Variants in PPM1F observed in about 807,000 individuals in gnomAD.
PPM1F encodes the protein protein phosphatase 1F.
A neutral mutation model predicts 35.5 loss-of-function variants in PPM1F; 17 were observed. The ratio of observed to expected loss-of-function variants is 0.48; its 90% CI spans 0.33 to 0.72. The LOEUF is 0.72. PPM1F is among the 30% of genes least tolerant of loss of function. PPM1F has a pLI of 0.02. For synonymous variants in PPM1F, 241 were observed against 255.5 expected, an observed-to-expected ratio of 0.94 and a Z score of 0.54; for missense variants, 521 against 613.0, an observed-to-expected ratio of 0.85 and a Z score of 1.59.
At chr22:21,924,853 G>C (rs999860825) in intron 7 of PPM1F, 1 of 151,810 alleles carries the variant, frequency 6.6e-6, no homozygotes, top group Non-Finnish European at 1.5e-5. Context: ...ACAGGCGTGA[G>C]CCAGCATGCC....
rs989085731 is a variant in PPM1F at position 21,920,171 on chromosome 22, A to G, written c.*2921T>C. 3.3e-5 allele frequency: 5 copies of G among 152,294 alleles called. No homozygotes were observed. The highest frequency in any genetic ancestry group is 1.2e-4 in the African/African-American group (5 of 41,366). 9.4% of individuals were successfully genotyped at this position (152,294 alleles called of 1,614,324 possible). A position where few individuals can be genotyped will look rare whatever the true frequency, so the allele number is the denominator to read the frequency against. On this transcript the variant is annotated 3_prime_UTR_variant, in exon 8 of 8. Coordinates refer to ENST00000263212, the MANE Select transcript of PPM1F (RefSeq NM_014634.4). ...GACACTAATAAGACTTAACCACCCCAACCTGCTGGCAGCAGGAGGGCCCCT... is the reference window on the plus strand; with the variant it reads ...GACACTAATAAGACTTAACCACCCCGACCTGCTGGCAGCAGGAGGGCCCCT...
Position 21,920,661 on chromosome 22 carries a change from T to C in PPM1F, c.*2431A>G, listed in dbSNP as rs1253651116. 1.3e-5 allele frequency: 2 copies of C among 152,240 alleles called. No homozygotes were observed. The highest frequency in any genetic ancestry group is 2.4e-5 in the African/African-American group (1 of 41,410). The allele number at this position is 152,240 out of a possible 1,614,324, so 9.4% of individuals were successfully genotyped here. ...CTGGCTCAGGGGTGGGGAGCGGCAGTGCTGGGACAAGCCTGGGGAAAGGGT... is the reference window on the plus strand; with the variant it reads ...CTGGCTCAGGGGTGGGGAGCGGCAGCGCTGGGACAAGCCTGGGGAAAGGGT... On this transcript the variant is annotated 3_prime_UTR_variant, in exon 8 of 8. Coordinates refer to ENST00000263212, the MANE Select transcript of PPM1F (RefSeq NM_014634.4).
chr22:21,927,930 GTTTTTTGTTTTGTTTTTT>G (rs2070535969), intron 6 of PPM1F, among the ~76,000 whole-genome samples: 3 of 93,390 alleles, frequency 3.2e-5, no homozygotes, highest in South Asian at 4.3e-4. Flanking sequence ...TCTTGATTCT[GTTTTTTGTTTTGTTTTTT>G]TTTTTTTTTT....
intron 6 of PPM1F, among the ~76,000 whole-genome samples, chr22:21,929,806 G>A (rs929053754): frequency 2.0e-5 from 3 of 152,140 alleles, no homozygotes; most frequent in African/African-American, 4.8e-5. Context: ...ATACCAGACC[G>A]TGAGCCGCAG....
Position 21,934,063 on chromosome 22 carries a change from G to T in PPM1F, c.519C>A (p.His173Gln). 6.4e-7 allele frequency: 1 copy of T among 1,564,746 alleles called. No homozygotes were observed. The highest frequency in any genetic ancestry group is 8.7e-7 in the Non-Finnish European group (1 of 1,154,238). Residue 173 changes from histidine to glutamine, a missense_variant, in exon 4 of 8, where the codon CAC becomes CAA. By Grantham distance (24) the His-to-Gln change is conservative. This residue lies in a region of PPM1F where 311 missense variants were observed against 351.5 expected (regional missense o/e 0.88). Coordinates refer to ENST00000263212, the MANE Select transcript of PPM1F (RefSeq NM_014634.4). ...GCTGGTTGAAGGAAGGGAGGGACAC[G>T]TGCCGGTCCTCCATCTTGCGGCGAG... Reference protein sequence around the residue: ...RNTRRKMEDRHVSLPSFNQLF... With the variant: ...RNTRRKMEDRQVSLPSFNQLF...
intron 1 of PPM1F, 45 bp from the exon 2 acceptor site, chr22:21,946,153 C>A: frequency 1.0e-6 from 1 of 973,212 alleles, no homozygotes; most frequent in South Asian, 1.9e-5. Context: ...GGCCATGGCA[C>A]CAGCAATGCA....
chr22:21,951,082 G>A (rs563340055), intron 1 of PPM1F: 5 of 151,664 alleles, frequency 3.3e-5, no homozygotes, highest in South Asian at 4.2e-4. Context: ...ATTTCTAAGC[G>A]TACAGTTCCA....
chr22:21,933,555 C>A lies in PPM1F; in HGVS notation c.583G>T (p.Ala195Ser). ...LSDPVNRAYF[A>S]VFDGHGGVDA... Reference sequence around the variant, plus strand: ...ACGCCTCCGTGACCATCAAACACAGCAAAGTAGGCGCGGTTCACAGGGTCC... The same window carrying A: ...ACGCCTCCGTGACCATCAAACACAGAAAAGTAGGCGCGGTTCACAGGGTCC... Residue 195 changes from alanine to serine, a missense_variant, in exon 5 of 8, where the codon GCT (alanine) becomes TCT (serine). By Grantham distance (99) the Ala-to-Ser change is moderately conservative. Coordinates refer to ENST00000263212, the MANE Select transcript of PPM1F (RefSeq NM_014634.4). 1 of 1,612,926 alleles carries A rather than the reference C, an allele frequency of 6.2e-7. No homozygotes were observed. The highest frequency in any genetic ancestry group is 2.2e-5 in the East Asian group (1 of 44,824).
chr22:21,945,670 T>C, intron 2 of PPM1F, 173 bp downstream of exon 2: 1 of 611,102 alleles, frequency 1.6e-6, no homozygotes, highest in East Asian at 3.1e-5. Flanking sequence ...GAGTGCCCAG[T>C]GTGTGGTGCT....
At chr22:21,932,766 G>C (rs1291578555) in intron 5 of PPM1F, 1 of 152,274 alleles carries the variant, frequency 6.6e-6, no homozygotes, top group Non-Finnish European at 1.5e-5. Context: ...GTAGCCTGCT[G>C]AGACCCTGCC....
intron 3 of PPM1F, chr22:21,936,113 G>A (rs2070655849): frequency 6.6e-6 from 1 of 152,170 alleles, no homozygotes; most frequent in Admixed American, 6.5e-5. Context: ...AGGTTACGGC[G>A]ATCTCCGATT....
intron 1 of PPM1F, chr22:21,947,608 ATCACCT>A (rs2070790058): frequency 6.6e-6 from 1 of 152,256 alleles, no homozygotes; most frequent in African/African-American, 2.4e-5. Context: ...TTCACAGCCC[ATCACCT>A]TCATGAGGAC....
rs1200814549 is a variant in PPM1F at position 21,925,268 on chromosome 22, G to A, written c.985+301C>T. On this transcript the variant is annotated intron_variant, in intron 7 of 7. Transcript: ENST00000263212. ...GGGAGGAGGATAAACCTCATTTCCG[G>A]AATATTGGAAGCTCTACTTCCAGCC... The A allele has an allele frequency of 7.3e-6, 3 of 411,288 alleles. No individual in the cohort carries two copies. The East Asian group carries it at 1.0e-4, about 14-fold the overall frequency. 25.5% of individuals were successfully genotyped at this position (411,288 alleles called of 1,614,324 possible).
intron 5 of PPM1F, chr22:21,932,652 GGAGGGGCCT>G (rs1355500680): frequency 6.6e-6 from 1 of 152,222 alleles, no homozygotes; most frequent in Non-Finnish European, 1.5e-5. Context: ...AGTTCACAGA[GGAGGGGCCT>G]GATGCATTTG....
chr22:21,943,229 G>A (rs913783052), intron 2 of PPM1F: 16 of 152,180 alleles, frequency 1.1e-4, no homozygotes, highest in African/African-American at 3.6e-4. Context: ...GCTCGGAGGT[G>A]GAACTCGTGA....
chr22:21,937,150 T>C (rs2070668993), intron 3 of PPM1F: 1 of 152,138 alleles, frequency 6.6e-6, no homozygotes, highest in South Asian at 2.1e-4. Context: ...GAGTTGAGTG[T>C]CACAGGCCAC....
At position 21,923,268 on chromosome 22, in the gene PPM1F, C is replaced by T; in HGVS notation, c.1189G>A (p.Ala397Thr). 2 of 1,613,458 alleles carry T rather than the reference C, an allele frequency of 1.2e-6. No homozygotes were observed. Among genetic ancestry groups the T allele is most frequent in the Admixed American group, 1.7e-5 (1 of 60,014 alleles). The change falls in exon 8 of 8, where the codon GCC becomes ACC. Residue 397 changes from alanine (A) to threonine (T), a missense_variant. Physicochemically the swap from Ala to Thr is moderately conservative, Grantham distance 58. Transcript: ENST00000263212. Reference protein sequence around the residue: ...LRVAEELVAAARERGSHDNIT... With the variant: ...LRVAEELVAATRERGSHDNIT... ...TTGTCGTGGGAGCCCCGCTCCCGGG[C>T]CGCAGCCACCAGCTCCTCGGCGACA... is the stretch of plus-strand genomic sequence containing the variant.
In PPM1F at chr22:21,939,085, G is replaced by A. The variant is rs2070695980; in HGVS notation, c.355+447C>T. On this transcript the variant is annotated intron_variant, in intron 3 of 7. Coordinates refer to ENST00000263212, the MANE Select transcript of PPM1F (RefSeq NM_014634.4). This position sits in a 1 kb window ranked among gnomAD's most constrained non-coding sequence, Gnocchi z 5.1. ...CGAGCGTTGAGGGGACCACGCTGCT[G>A]CCCCGAGACCTGCTGGCATGCCACC... The A allele has an allele frequency of 5.9e-6, 1 of 168,222 alleles. No individual in the cohort carries two copies. Among genetic ancestry groups the A allele is most frequent in the Non-Finnish European group, 1.3e-5 (1 of 76,900 alleles). The allele number at this position is 168,222 out of a possible 1,614,324, so 10.4% of individuals were successfully genotyped here.
At chr22:21,927,892 A>G (rs1241566266) in intron 6 of PPM1F, among the ~76,000 whole-genome samples, 1 of 141,160 alleles carries the variant, frequency 7.1e-6, no homozygotes, top group Non-Finnish European at 1.5e-5. Context: ...GTCTTGTCCC[A>G]TTCCCCCTGA....
Sources: allele counts gnomAD v4.1 joint callset (sites outside exome capture counted in the v4.1 genomes callset), GRCh38; gene constraint gnomAD v4.1.1; regional missense constraint gnomAD v4.1.1; non-coding constraint Gnocchi (gnomAD v3.1); transcripts MANE v1.5; gene names NCBI Gene and HGNC (gene_info 2026-07-23, HGNC 2026-07-21).